CCSER1: variants seen among roughly 807,000 people sequenced by gnomAD.
CCSER1 encodes the protein coiled-coil serine rich protein 1.
In CCSER1, 41 loss-of-function variants were observed where a neutral mutation model predicts 82.0. The observed-to-expected ratio is 0.50, with a 90% CI of 0.39 to 0.65. The LOEUF (loss-of-function observed/expected upper bound fraction) is 0.65. CCSER1 is among the 30% of genes least tolerant of loss of function. The probability of loss-of-function intolerance (pLI) is 0.00; values close to 1 mark genes in which losing one functional copy is unlikely to be tolerated. For missense variants in CCSER1, 1,119 were observed against 1,064.2 expected (o/e 1.05, Z -0.72); for synonymous variants, 414 against 383.9 (o/e 1.08, Z -0.92).
intron 9 of CCSER1, among the ~76,000 whole-genome samples, chr4:91,077,885 C>T (rs536082516): frequency 1.1e-4 from 16 of 152,306 alleles, no homozygotes; most frequent in African/African-American, 3.1e-4. Context: ...AAGGTGGCAG[C>T]GAGGCTGGTG....
chr4:90,621,069 T>G (rs2148877496), intron 5 of CCSER1, among the ~76,000 whole-genome samples: 1 of 152,282 alleles, frequency 6.6e-6, no homozygotes, highest in South Asian at 2.1e-4. Flanking sequence ...TCTGCCCACC[T>G]CGGCCTCCGA....
intron 10 of CCSER1, among the ~76,000 whole-genome samples, chr4:91,100,169 T>C (rs1206474541): frequency 6.7e-6 from 1 of 148,312 alleles, no homozygotes; most frequent in Non-Finnish European, 1.5e-5. Context: ...CCAGACCCTT[T>C]ATATAGGAAT....
At chr4:90,332,014 T>A (rs1162317244) in intron 3 of CCSER1, among the ~76,000 whole-genome samples, 1 of 152,094 alleles carries the variant, frequency 6.6e-6, no homozygotes, top group Non-Finnish European at 1.5e-5. Context: ...TCAACTTATT[T>A]CTTAAAAATA....
intron 4 of CCSER1, among the ~76,000 whole-genome samples, chr4:90,438,158 T>C (rs981026738): frequency 2.0e-5 from 3 of 152,204 alleles, no homozygotes; most frequent in African/African-American, 7.2e-5. Context: ...TTGATGTTAT[T>C]ACTAAGGCAG....
intron 9 of CCSER1, among the ~76,000 whole-genome samples, chr4:91,021,662 T>C (rs1459253285): frequency 6.6e-6 from 1 of 152,178 alleles, no homozygotes; most frequent in Non-Finnish European, 1.5e-5. Flanking sequence ...CACTTATGTA[T>C]TGACCATCTA....
chr4:91,036,676 T>C (rs1217827241), intron 9 of CCSER1, among the ~76,000 whole-genome samples: 2 of 152,186 alleles, frequency 1.3e-5, no homozygotes, highest in East Asian at 3.9e-4. Context: ...ATATTAAAAA[T>C]AGATACATTT....
chr4:91,109,101 A>C (rs1472900824), intron 10 of CCSER1, among the ~76,000 whole-genome samples: 1 of 152,002 alleles, frequency 6.6e-6, no homozygotes, highest in East Asian at 1.9e-4. Context: ...CAACACCCCC[A>C]CCCCATTCTT....
chr4:90,373,683 C>T (rs1747836356), intron 3 of CCSER1, among the ~76,000 whole-genome samples: 1 of 152,122 alleles, frequency 6.6e-6, no homozygotes, highest in Non-Finnish European at 1.5e-5. Flanking sequence ...CTAGGTCTTT[C>T]ATGGGAGACA....
intron 8 of CCSER1, among the ~76,000 whole-genome samples, chr4:90,838,520 TA>T (rs1283526208): frequency 1.3e-5 from 2 of 151,522 alleles, no homozygotes; most frequent in South Asian, 2.1e-4. Flanking sequence ...ATTTGCATAT[TA>T]AAAAAATTGT....
chr4:91,033,921 C>T (rs1432665989), intron 9 of CCSER1, among the ~76,000 whole-genome samples: 1 of 152,028 alleles, frequency 6.6e-6, no homozygotes, highest in East Asian at 1.9e-4. Context: ...TTTTGAGTTG[C>T]CTCTAAGTCC....
At chr4:91,160,086 C>T (rs114665694) in intron 10 of CCSER1, among the ~76,000 whole-genome samples, 1,585 of 148,594 alleles carry the variant, frequency 0.011, 39 homozygotes, top group Non-Finnish European at 0.018. Context: ...GTGATGTTTC[C>T]ACCCTGTGTC....
At chr4:90,856,163 C>T (rs1373470342) in intron 8 of CCSER1, among the ~76,000 whole-genome samples, 1 of 152,072 alleles carries the variant, frequency 6.6e-6, no homozygotes, top group East Asian at 1.9e-4. Flanking sequence ...TTATAAATGA[C>T]AGCTTCTTGC....
intron 8 of CCSER1, among the ~76,000 whole-genome samples, chr4:90,866,798 G>C (rs1176703230): frequency 2.0e-5 from 3 of 151,922 alleles, no homozygotes; most frequent in Non-Finnish European, 4.4e-5. Context: ...AGCAGGGTGG[G>C]GATGAAACTG....
intron 5 of CCSER1, among the ~76,000 whole-genome samples, chr4:90,615,722 T>C (rs1721066743): frequency 1.3e-5 from 2 of 152,072 alleles, no homozygotes; most frequent in African/African-American, 4.8e-5. Flanking sequence ...TTAGTGAATA[T>C]GCTGTGAATA....
At chr4:90,448,087 T>G (rs1760905298) in intron 4 of CCSER1, among the ~76,000 whole-genome samples, 1 of 152,128 alleles carries the variant, frequency 6.6e-6, no homozygotes, top group African/African-American at 2.4e-5. Flanking sequence ...TGAAATACTT[T>G]GCAAATTCTT....
chr4:90,565,029 G>A (rs1378704471), intron 5 of CCSER1, among the ~76,000 whole-genome samples: 3 of 148,620 alleles, frequency 2.0e-5, no homozygotes, highest in Non-Finnish European at 3.0e-5. Context: ...CCTATACAAA[G>A]TTCAGATTTT....
At chr4:91,176,732 G>T (rs1302657570) in intron 10 of CCSER1, among the ~76,000 whole-genome samples, 3 of 152,112 alleles carry the variant, frequency 2.0e-5, no homozygotes, top group African/African-American at 7.2e-5. Context: ...GAGACAATGG[G>T]ATTTTCTAAA....
At chr4:90,650,339 T>TA (rs1728513752) in intron 6 of CCSER1, among the ~76,000 whole-genome samples, 3 of 151,094 alleles carry the variant, frequency 2.0e-5, no homozygotes, top group African/African-American at 4.9e-5. Flanking sequence ...ATAAGAATAA[T>TA]GAAAAAAAAG....
chr4:90,983,787 A>G (rs1027163065), intron 9 of CCSER1, among the ~76,000 whole-genome samples: 2 of 151,780 alleles, frequency 1.3e-5, no homozygotes, highest in Non-Finnish European at 2.9e-5. Context: ...GCATTTTTCT[A>G]GTGAGAATAT....
Sources: gnomAD v4.1 joint callset for allele counts (sites outside exome capture counted in the v4.1 genomes callset) on GRCh38, gnomAD v4.1.1 for gene constraint, MANE v1.5 for transcripts, NCBI Gene and HGNC (gene_info 2026-07-23, HGNC 2026-07-21) for gene names.